Variants in CCDC13 observed in about 807,000 individuals in gnomAD.
CCDC13 encodes the protein coiled-coil domain containing 13, also known as coiled-coil domain-containing protein 13.
CCDC13 carries 70 observed loss-of-function variants against 87.3 expected under a neutral mutation model. The ratio of observed to expected loss-of-function variants is 0.80; its 90% CI spans 0.66 to 0.98. CCDC13 has a LOEUF of 0.98. Ranked by LOEUF, CCDC13 falls within the 50% of genes least tolerant of loss-of-function variation. The pLI is 0.00. For synonymous variants in CCDC13, 317 were observed against 360.3 expected, an observed-to-expected ratio of 0.88 and a Z score of 1.36; for missense variants, 842 against 892.0, an observed-to-expected ratio of 0.94 and a Z score of 0.71.
intron 13 of CCDC13, among the ~76,000 whole-genome samples, chr3:42,720,516 C>T (rs2125874322): frequency 6.6e-6 from 1 of 152,192 alleles, no homozygotes; most frequent in East Asian, 1.9e-4. Context: ...GTAAAAGTTG[C>T]TAAGAGTTAA....
chr3:42,712,274 G>A (rs1456213227), intron 14 of CCDC13, among the ~76,000 whole-genome samples: 8 of 151,976 alleles, frequency 5.3e-5, no homozygotes, highest in Admixed American at 5.2e-4. Flanking sequence ...AGCCTGGAGG[G>A]GGCTGGGATG....
At chr3:42,771,586 C>T (rs1448518772) in intron 1 of CCDC13, among the ~76,000 whole-genome samples, 1 of 152,122 alleles carries the variant, frequency 6.6e-6, no homozygotes, top group Non-Finnish European at 1.5e-5. Context: ...AAGACCATAG[C>T]TTTACAAAAA....
chr3:42,729,962 G>A (rs1218874631), intron 13 of CCDC13, among the ~76,000 whole-genome samples: 2 of 152,156 alleles, frequency 1.3e-5, no homozygotes, highest in South Asian at 2.1e-4. Context: ...TTATCTGAAC[G>A]GAAGTCTGTC....
chr3:42,736,620 C>T (rs1413879489), intron 9 of CCDC13, among the ~76,000 whole-genome samples: 2 of 152,214 alleles, frequency 1.3e-5, no homozygotes, highest in South Asian at 2.1e-4. Context: ...AGAGGGGATG[C>T]GACTGGCCTA....
At chr3:42,739,613 G>A in intron 9 of CCDC13, 21 bp downstream of exon 9, 4 of 1,608,564 alleles carry the variant, frequency 2.5e-6, no homozygotes, top group Non-Finnish European at 3.4e-6. Flanking sequence ...CTCTCGCCCT[G>A]CCTGAGTGGT....
rs1037533349 is a variant in CCDC13 at position 42,739,535 on chromosome 3, C to T, written c.1164+99G>A. The stretch of plus-strand genomic sequence containing the variant: ...ACGGGCTTTGGGGTTACACAGGTGG[C>T]ATTGAGGGGTGAGTGAGGGCTCACT... On this transcript the variant is annotated intron_variant, in intron 9 of 15. Transcript: ENST00000310232. The T allele has an allele frequency of 6.8e-6, 9 of 1,318,388 alleles. No individual in the cohort carries two copies. In the Admixed American group the frequency reaches 1.6e-4, roughly 24 times the overall value. The allele number at this position is 1,318,388 out of a possible 1,614,324, so 81.7% of individuals were successfully genotyped here. A position where few individuals can be genotyped will look rare whatever the true frequency, so the allele number is the denominator to read the frequency against.
At position 42,707,253 on chromosome 3, in the gene CCDC13, C is replaced by G. The variant is rs907719159; in HGVS notation, c.*1727G>C. Among the ~76,000 whole-genome samples, 4 of 152,220 alleles carry G rather than the reference C, an allele frequency of 2.6e-5. No homozygotes were observed. Among genetic ancestry groups the G allele is most frequent in the African/African-American group, 4.8e-5 (2 of 41,456 alleles). ...CCAGCCCACCCCTCGCTGTCACACA[C>G]TGTCCCCTCCAAGCACAGACCCTCT... On this transcript the variant is annotated 3_prime_UTR_variant, in exon 16 of 16. Coordinates refer to ENST00000310232, the MANE Select transcript of CCDC13 (RefSeq NM_144719.4).
chr3:42,772,888 A>T (rs1030352400), intron 1 of CCDC13, among the ~76,000 whole-genome samples: 13 of 152,130 alleles, frequency 8.5e-5, no homozygotes, highest in African/African-American at 3.1e-4. Flanking sequence ...TCGAGTTCTG[A>T]CTGTGCCATC....
In CCDC13 at chr3:42,752,586, G is replaced by C; in HGVS notation, c.502C>G (p.Leu168Val). ...VKQLTNRIQELERELQTALTR... is the reference protein window; with the variant it reads ...VKQLTNRIQEVERELQTALTR... ...CCAAGGCCCCTCACTTCCCGCTCCA[G>C]CTCCTGGATGCGATTGGTCAGCTGC... Residue 168 changes from leucine (L) to valine (V), a missense_variant, in exon 4 of 16, where the codon CTG becomes GTG. Transcript: ENST00000310232. 1.2e-6 allele frequency: 2 copies of C among 1,614,160 alleles called. No homozygotes were observed. The highest frequency in any genetic ancestry group is 8.5e-7 in the Non-Finnish European group (1 of 1,180,024).
At chr3:42,733,738 AGC>A in intron 10 of CCDC13, 129 bp from the exon 11 acceptor site, 1 of 1,204,304 alleles carries the variant, frequency 8.3e-7, no homozygotes, top group Non-Finnish European at 1.1e-6. Context: ...AGGAGTGAAA[AGC>A]GAGGCCTGTT....
At chr3:42,721,366 T>C (rs1436427217) in intron 13 of CCDC13, among the ~76,000 whole-genome samples, 1 of 152,222 alleles carries the variant, frequency 6.6e-6, no homozygotes, top group Non-Finnish European at 1.5e-5. Flanking sequence ...ACTTTGGAAA[T>C]TGTAACATTA....
intron 1 of CCDC13, chr3:42,771,136 T>A (rs1465225642): frequency 1.3e-5 from 2 of 152,156 alleles, no homozygotes; most frequent in African/African-American, 4.8e-5. Flanking sequence ...TGAAAAGAAA[T>A]GAGCTATCAC....
Position 42,755,690 on chromosome 3 carries a change from CAGAGTGAAGACTGGATTT to C in CCDC13, c.370+1358_370+1375del, listed in dbSNP as rs1699688324. Among the ~76,000 whole-genome samples, 4 of 152,348 alleles carry C rather than the reference CAGAGTGAAGACTGGATTT, an allele frequency of 2.6e-5. No individual in the cohort carries two copies. The South Asian group carries it at 8.3e-4, about 32-fold the overall frequency. On this transcript the variant is annotated intron_variant, in intron 3 of 15. Coordinates refer to ENST00000310232, the MANE Select transcript of CCDC13 (RefSeq NM_144719.4). ...GAATGAAAATCAGAAATGGTGACTT[CAGAGTGAAGACTGGATTT>C]AAGTGGTTTTCAGGGACGCTTAGGG...
intron 14 of CCDC13, among the ~76,000 whole-genome samples, 195 bp from the exon 15 acceptor site, chr3:42,709,993 C>A (rs1175695425): frequency 6.6e-6 from 1 of 152,210 alleles, no homozygotes; most frequent in East Asian, 1.9e-4. Context: ...GCCTCTGCCC[C>A]TGGCTTTGGC....
At chr3:42,737,673 A>G (rs1699074328) in intron 9 of CCDC13, among the ~76,000 whole-genome samples, 2 of 152,186 alleles carry the variant, frequency 1.3e-5, no homozygotes, top group Admixed American at 6.5e-5. Context: ...AGTGATGATG[A>G]GCATTTTTTC....
intron 13 of CCDC13, chr3:42,718,108 A>T (rs937415929): frequency 1.3e-5 from 2 of 152,292 alleles, no homozygotes; most frequent in Admixed American, 1.3e-4. Context: ...GCTGAAACCA[A>T]CTGCTGCATT....
chr3:42,742,817 T>A (rs1699261581), intron 8 of CCDC13, 79 bp downstream of exon 8: 1 of 1,551,282 alleles, frequency 6.4e-7, no homozygotes. Flanking sequence ...TCTGACCACA[T>A]GTGCCTCAGA....
intron 1 of CCDC13, among the ~76,000 whole-genome samples, chr3:42,759,217 CA>C (rs974587494): frequency 8.4e-4 from 127 of 151,144 alleles, no homozygotes; most frequent in African/African-American, 2.9e-3. Flanking sequence ...GCTGAGGTGG[CA>C]AGATCGCTTG....
At chr3:42,715,475 G>A (rs963431905) in intron 13 of CCDC13, among the ~76,000 whole-genome samples, 4 of 152,138 alleles carry the variant, frequency 2.6e-5, no homozygotes, top group African/African-American at 9.6e-5. Context: ...AGCCTGGCAC[G>A]GTGGCGTGTG....
Sources: allele counts gnomAD v4.1 joint callset (sites outside exome capture counted in the v4.1 genomes callset), GRCh38; gene constraint gnomAD v4.1.1; transcripts MANE v1.5; gene names NCBI Gene and HGNC (gene_info 2026-07-23, HGNC 2026-07-21).